Variants in ARNT observed in about 807,000 individuals in gnomAD.
ARNT encodes class E basic helix-loop-helix protein 2.
In ARNT, 30 loss-of-function variants were observed where a neutral mutation model predicts 105.0. The ratio of observed to expected loss-of-function variants is 0.29; its 90% CI spans 0.21 to 0.39. ARNT has a LOEUF of 0.39. ARNT is among the 10% of genes least tolerant of loss of function. The pLI is 1.00. For missense variants in ARNT, 748 were observed against 978.7 expected (o/e 0.76, Z 3.15); for synonymous variants, 304 against 344.0 (o/e 0.88, Z 1.29).
rs186756541 is a variant in ARNT, at chr1:150,840,552, C to T, written c.273-898G>A. ...TGAAGTTTTATTTGGCCCATTAATGCACAAAGTCCTACCTTCTTTATCTGG... is the reference window on the plus strand; with the variant it reads ...TGAAGTTTTATTTGGCCCATTAATGTACAAAGTCCTACCTTCTTTATCTGG... On this transcript the variant is annotated intron_variant, in intron 5 of 21. Transcript: ENST00000358595. Among the ~76,000 whole-genome samples, 5 of 152,318 alleles carry T rather than the reference C, an allele frequency of 3.3e-5. No homozygotes were observed. The East Asian group carries it at 9.6e-4, about 29-fold the overall frequency.
chr1:150,864,883 CAAAAA>C (rs587599690), intron 1 of ARNT, among the ~76,000 whole-genome samples: 2 of 75,706 alleles, frequency 2.6e-5, no homozygotes, highest in Non-Finnish European at 6.0e-5. Flanking sequence ...TTCTTTAAAT[CAAAAA>C]AAAAAAAAAA....
chr1:150,857,999 T>C (rs920534668), intron 2 of ARNT, among the ~76,000 whole-genome samples: 19 of 152,108 alleles, frequency 1.2e-4, no homozygotes, highest in African/African-American at 4.6e-4. Flanking sequence ...TTCTCTAAAT[T>C]CAGAAAAGCA....
Position 150,817,403 on chromosome 1 carries a change from C to T in ARNT, c.1536G>A (p.Met512Ile), listed in dbSNP as rs750307666. The change falls in exon 16 of 22, where the codon ATG becomes ATA. Residue 512 changes from methionine to isoleucine, a missense_variant. Met to Ile is a conservative substitution (Grantham distance 10). Transcript: ENST00000358595. Reference sequence around the variant, plus strand: ...TGGCCAGTCCATCTCTTCCTGGTACCATGTCCAATTCTGTTTGCTGTTGCT... The same window carrying T: ...TGGCCAGTCCATCTCTTCCTGGTACTATGTCCAATTCTGTTTGCTGTTGCT... ...RQQQQQTELD[M>I]VPGRDGLASY... The T allele has an allele frequency of 3.7e-6, 6 of 1,614,024 alleles. No individual in the cohort carries two copies. The highest frequency in any genetic ancestry group is 3.3e-5 in the Admixed American group (2 of 59,992).
chr1:150,859,204 T>A (rs2102305361), intron 1 of ARNT, among the ~76,000 whole-genome samples: 1 of 152,114 alleles, frequency 6.6e-6, no homozygotes, highest in African/African-American at 2.4e-5. Flanking sequence ...TCACCTAAAT[T>A]CCAATACTTA....
In ARNT at chr1:150,810,632, TAA is replaced by T. The variant is rs71645814; in HGVS notation, c.*1387_*1388del. 1,162 of 160,954 alleles carry T rather than the reference TAA, an allele frequency of 7.2e-3. No individual in the cohort carries two copies. Among genetic ancestry groups the T allele is most frequent in the East Asian group, 0.024 (257 of 10,902 alleles). The allele number at this position is 160,954 out of a possible 1,614,324, so 10.0% of individuals were successfully genotyped here. A position where few individuals can be genotyped will look rare whatever the true frequency, so the allele number is the denominator to read the frequency against. ...CTTTAGCTACTGGCCAAAGCCAATT[TAA>T]AAAAAAAAAAAAAAAAGCTGGTATC... On this transcript the variant is annotated 3_prime_UTR_variant, in exon 22 of 22. Transcript: ENST00000358595.
intron 10 of ARNT, chr1:150,830,493 T>C (rs1659173351): frequency 6.6e-6 from 1 of 152,538 alleles, no homozygotes; most frequent in African/African-American, 2.4e-5. Context: ...AGTATTTACA[T>C]ATATATTAAT....
At position 150,814,192 on chromosome 1, in the gene ARNT, A is replaced by T. The variant is rs201885145; in HGVS notation, c.1998T>A (p.Gly666=). The part of the protein sequence containing the change: ...ATAKTRTSQF[G]VGSFQTPSSF... ...AGGATGGAGTCTGAAAGCTGCCCACACCAAACTGGGAAGTACGAGTCTTAG... is the reference window on the plus strand; with the variant it reads ...AGGATGGAGTCTGAAAGCTGCCCACTCCAAACTGGGAAGTACGAGTCTTAG... Residue 666 remains glycine (G), a synonymous_variant, in exon 20 of 22, where the codon GGT becomes GGA. Coordinates refer to ENST00000358595, the MANE Select transcript of ARNT (RefSeq NM_001668.4). 6.5e-5 allele frequency: 105 copies of T among 1,614,096 alleles called. 1 individual carries two copies. In the Middle Eastern group the frequency reaches 6.6e-4, roughly 10 times the overall value.
At chr1:150,823,552 C>G (rs992298727) in intron 13 of ARNT, among the ~76,000 whole-genome samples, 3 of 132,838 alleles carry the variant, frequency 2.3e-5, no homozygotes, top group Admixed American at 1.5e-4. Context: ...GAGACTTAAG[C>G]TTTTTTTTTT....
rs374278306 is a variant in ARNT, at chr1:150,842,444, C to T, written c.252G>A (p.Ala84=). The T allele has an allele frequency of 3.0e-5, 49 of 1,611,640 alleles. No individual in the cohort carries two copies. Among genetic ancestry groups the T allele is most frequent in the Non-Finnish European group, 3.9e-5 (46 of 1,178,826 alleles). The change falls in exon 5 of 22, where the codon GCG becomes GCA. Residue 84 remains alanine (A), a synonymous_variant. Transcript: ENST00000358595. ...CCTACCTGGCAAGTCTCTCTTTATC[C>T]GCAGAGCTCTGCTCATCATCCGACC... ...FARSDDEQSS[A]DKERLARENH...
At chr1:150,823,128 C>G in intron 14 of ARNT, 66 bp downstream of exon 14, 2 of 1,392,378 alleles carry the variant, frequency 1.4e-6, no homozygotes, top group South Asian at 1.9e-5. Context: ...CATAGGGCAT[C>G]AGAAGTGTTT....
intron 2 of ARNT, among the ~76,000 whole-genome samples, chr1:150,856,332 C>T (rs891633347): frequency 3.8e-4 from 57 of 151,552 alleles, no homozygotes; most frequent in Non-Finnish European, 6.6e-4. Context: ...CCCAGCTACT[C>T]GGGAGGCTGA....
chr1:150,863,103 C>G (rs1328687784), intron 1 of ARNT, among the ~76,000 whole-genome samples: 2 of 149,536 alleles, frequency 1.3e-5, no homozygotes, highest in Admixed American at 6.7e-5. Flanking sequence ...GTGGCTGATG[C>G]CTGTAACCCC....
At chr1:150,873,334 G>T (rs1156505129) in intron 1 of ARNT, among the ~76,000 whole-genome samples, 2 of 151,058 alleles carry the variant, frequency 1.3e-5, no homozygotes, top group Non-Finnish European at 3.0e-5. Flanking sequence ...AACTTGTCTA[G>T]TCCATAGATA....
Position 150,811,157 on chromosome 1 carries a change from G to A in ARNT, c.*864C>T, listed in dbSNP as rs1654643970. ...TTTGCAGATCTTCCAGATAAGGTGA[G>A]AGCACCAAAAGCAGCAGTAACCCAG... On this transcript the variant is annotated 3_prime_UTR_variant, in exon 22 of 22. Coordinates refer to ENST00000358595, the MANE Select transcript of ARNT (RefSeq NM_001668.4). 4.3e-6 allele frequency: 1 copy of A among 233,496 alleles called. No homozygotes were observed. Among genetic ancestry groups the A allele is most frequent in the Non-Finnish European group, 8.5e-6 (1 of 117,928 alleles). The allele number at this position is 233,496 out of a possible 1,614,324, so 14.5% of individuals were successfully genotyped here.
intron 5 of ARNT, among the ~76,000 whole-genome samples, chr1:150,841,053 A>G (rs1661210018): frequency 1.3e-5 from 2 of 149,780 alleles, no homozygotes; most frequent in East Asian, 2.0e-4. Context: ...GGTTCAAGCA[A>G]TTCTGCTATC....
chr1:150,813,369 T>C, intron 20 of ARNT, 31 bp from the exon 21 acceptor site: 1 of 1,556,826 alleles, frequency 6.4e-7, no homozygotes, highest in Non-Finnish European at 8.7e-7. Flanking sequence ...AATAAACAAC[T>C]CCAATCTACA....
intron 2 of ARNT, among the ~76,000 whole-genome samples, chr1:150,855,963 T>C (rs1183628833): frequency 6.6e-6 from 1 of 152,032 alleles, no homozygotes; most frequent in Non-Finnish European, 1.5e-5. Flanking sequence ...AATGTGTGTG[T>C]GCGTGTGTAT....
At position 150,851,164 on chromosome 1, in the gene ARNT, G is replaced by A. The variant is rs1267285869; in HGVS notation, c.182+1598C>T. On this transcript the variant is annotated intron_variant, in intron 3 of 21. Coordinates refer to ENST00000358595, the MANE Select transcript of ARNT (RefSeq NM_001668.4). ...GTCCGGGAGGTGGGGGGCAGCCCCC[G>A]CCTGGCCAGCCACCCCGTCCAGGAG... 3.8e-4 allele frequency among the ~76,000 whole-genome samples: 55 copies of A among 146,438 alleles called. 1 individual carries two copies. The East Asian group carries it at 9.7e-3, about 26-fold the overall frequency.
At chr1:150,870,412 C>T (rs1366040025) in intron 1 of ARNT, among the ~76,000 whole-genome samples, 1 of 152,138 alleles carries the variant, frequency 6.6e-6, no homozygotes, top group African/African-American at 2.4e-5. Flanking sequence ...ATCCAACATA[C>T]TAGGCACCCA....
Sources: allele counts gnomAD v4.1 joint callset (sites outside exome capture counted in the v4.1 genomes callset), GRCh38; gene constraint gnomAD v4.1.1; transcripts MANE v1.5; gene names NCBI Gene and HGNC (gene_info 2026-07-23, HGNC 2026-07-21).